The following TXNRD1 variants were observed in gnomAD, a reference collection of about 807,000 sequenced individuals.
TXNRD1 encodes the protein thioredoxin reductase 1, cytoplasmic.
Under a neutral mutation model 80.3 loss-of-function variants are expected in TXNRD1, and 57 were observed. That is an observed-to-expected ratio of 0.71 (90% CI 0.57 to 0.89). TXNRD1 has a LOEUF of 0.89. Among genes scored for constraint, TXNRD1 ranks in the 40% least tolerant of loss-of-function variants. The pLI is 0.00. For missense variants in TXNRD1, 730 were observed against 803.0 expected (o/e 0.91, Z 1.10); for synonymous variants, 291 against 285.2 (o/e 1.02, Z -0.20).
chr12:104,309,398 C>T (rs760729525), intron 4 of TXNRD1, among the ~76,000 whole-genome samples: 3 of 152,086 alleles, frequency 2.0e-5, no homozygotes, highest in Admixed American at 6.5e-5. Context: ...CAGTAAGGAA[C>T]GGATTGTAAA....
At chr12:104,285,427 G>GCTA (rs1436589741) in intron 3 of TXNRD1, among the ~76,000 whole-genome samples, 3 of 152,158 alleles carry the variant, frequency 2.0e-5, no homozygotes, top group African/African-American at 7.2e-5. Context: ...GGGCATCTTT[G>GCTA]CTATAATTTG....
chr12:104,252,257 C>T (rs1466860624), intron 2 of TXNRD1, among the ~76,000 whole-genome samples: 1 of 151,858 alleles, frequency 6.6e-6, no homozygotes, highest in African/African-American at 2.4e-5. Flanking sequence ...ATTTGCGGCC[C>T]TTTCAGATAT....
At chr12:104,270,451 GTCT>G (rs1378079983) in intron 3 of TXNRD1, among the ~76,000 whole-genome samples, 2 of 152,132 alleles carry the variant, frequency 1.3e-5, no homozygotes, top group Admixed American at 1.3e-4. Flanking sequence ...ATTTTCAAAA[GTCT>G]TCTTTTCTGA....
chr12:104,321,420 C>A, intron 10 of TXNRD1, 104 bp downstream of exon 10: 2 of 889,868 alleles, frequency 2.2e-6, no homozygotes, highest in African/African-American at 1.7e-5. Flanking sequence ...TATAAACCAT[C>A]AGGAATGCTG....
chr12:104,267,695 TTCTTTCTC>T (rs879440556), intron 3 of TXNRD1, among the ~76,000 whole-genome samples: 6,395 of 34,544 alleles, frequency 0.19, 426 homozygotes, highest in East Asian at 0.35. Context: ...CTTTCTTTCT[TTCTTTCTC>T]TCTTTCTTTC....
At chr12:104,268,658 A>G (rs1593731055) in intron 3 of TXNRD1, among the ~76,000 whole-genome samples, 1 of 151,852 alleles carries the variant, frequency 6.6e-6, no homozygotes, top group African/African-American at 2.4e-5. Flanking sequence ...AGCTGAGACT[A>G]CAGGCTGCAC....
At chr12:104,299,054 C>T (rs569836802) in intron 4 of TXNRD1, among the ~76,000 whole-genome samples, 2 of 152,220 alleles carry the variant, frequency 1.3e-5, no homozygotes, top group Non-Finnish European at 2.9e-5. Context: ...AGTCAGCTCT[C>T]TGTATTCACC....
intron 14 of TXNRD1, chr12:104,334,007 A>G (rs1646573120): frequency 3.6e-6 from 1 of 281,312 alleles, no homozygotes; most frequent in Non-Finnish European, 6.6e-6. Flanking sequence ...AGGGTGTACT[A>G]TTTTGAGGTA....
intron 3 of TXNRD1, 109 bp from the exon 4 acceptor site, chr12:104,288,822 C>G (rs1450634183): frequency 3.1e-6 from 5 of 1,607,078 alleles, no homozygotes; most frequent in Non-Finnish European, 3.4e-6. Context: ...CAACAGAGGG[C>G]ACGCGGTGCC....
At chr12:104,254,135 G>C (rs184070915) in intron 2 of TXNRD1, among the ~76,000 whole-genome samples, 1 of 152,242 alleles carries the variant, frequency 6.6e-6, no homozygotes, top group Non-Finnish European at 1.5e-5. Context: ...TTTACCTGTG[G>C]TGCCACAGTT....
At chr12:104,325,761 A>C (rs1413550375) in intron 11 of TXNRD1, among the ~76,000 whole-genome samples, 1 of 151,984 alleles carries the variant, frequency 6.6e-6, no homozygotes, top group Non-Finnish European at 1.5e-5. Context: ...AGTCCCAGCT[A>C]TTCGGGACGT....
intron 15 of TXNRD1, among the ~76,000 whole-genome samples, chr12:104,337,347 A>G (rs1463614399): frequency 6.6e-6 from 1 of 151,906 alleles, no homozygotes; most frequent in Non-Finnish European, 1.5e-5. Context: ...CAAGCTCTGC[A>G]CCCCACAGCC....
intron 16 of TXNRD1, among the ~76,000 whole-genome samples, chr12:104,342,192 A>C (rs1335100728): frequency 6.6e-6 from 1 of 152,150 alleles, no homozygotes; most frequent in East Asian, 1.9e-4. Flanking sequence ...CCCCAGATGT[A>C]GGGGACCAGA....
At position 104,331,538 on chromosome 12, in the gene TXNRD1, A is replaced by G. The variant is rs2035947081; in HGVS notation, c.1547A>G (p.Asp516Gly). The G allele has an allele frequency of 2.5e-6, 4 of 1,603,532 alleles. No homozygotes were observed. In the South Asian group the frequency reaches 4.5e-5, roughly 18 times the overall value. ...CTTACCTCCATTTTTAAACAGTGTGACTATGAAAATGTTCCAACCACTGTA... is the reference window on the plus strand; with the variant it reads ...CTTACCTCCATTTTTAAACAGTGTGGCTATGAAAATGTTCCAACCACTGTA... Reference protein sequence around the residue: ...RLYAGSTVKCDYENVPTTVFT... With the variant: ...RLYAGSTVKCGYENVPTTVFT... The change falls in exon 14 of 17, where the codon GAC becomes GGC. Residue 516 changes from aspartate to glycine, a missense_variant. Asp to Gly is a moderately conservative substitution (Grantham distance 94, BLOSUM62 -1). Coordinates refer to ENST00000525566, the MANE Select transcript of TXNRD1 (RefSeq NM_001093771.3).
rs764969816 is a variant in TXNRD1, at chr12:104,321,082, T to C, written c.990-9T>C. 1.4e-5 allele frequency: 22 copies of C among 1,546,006 alleles called. No homozygotes were observed. In the African/African-American group the frequency reaches 2.8e-4, roughly 20 times the overall value. On this transcript the variant is annotated splice_polypyrimidine_tract_variant and intron_variant, in intron 9 of 16. Coordinates refer to ENST00000525566, the MANE Select transcript of TXNRD1 (RefSeq NM_001093771.3). Reference sequence around the variant, plus strand: ...TCTTCTTTCTTCCTTTTTTTTTTTTTTCCCCCAGTGATGATCTTTTCTCCT... The same window carrying C: ...TCTTCTTTCTTCCTTTTTTTTTTTTCTCCCCCAGTGATGATCTTTTCTCCT...
intron 3 of TXNRD1, among the ~76,000 whole-genome samples, chr12:104,268,372 C>T (rs1264599117): frequency 1.3e-5 from 2 of 150,850 alleles, no homozygotes; most frequent in Non-Finnish European, 3.0e-5. Context: ...AAAACCCACC[C>T]ATATTAGCCG....
intron 7 of TXNRD1, among the ~76,000 whole-genome samples, chr12:104,317,601 A>C (rs2035376689): frequency 6.6e-6 from 1 of 152,172 alleles, no homozygotes; most frequent in Non-Finnish European, 1.5e-5. Context: ...ACAGTTTAGG[A>C]GGCCAAGGGG....
chr12:104,221,364 C>A (rs961401275), intron 1 of TXNRD1, among the ~76,000 whole-genome samples: 1 of 152,116 alleles, frequency 6.6e-6, no homozygotes, highest in Non-Finnish European at 1.5e-5. Flanking sequence ...GTTGCCCAGG[C>A]TGGAGTGCAT....
chr12:104,278,118 C>A (rs1055842959), intron 3 of TXNRD1, among the ~76,000 whole-genome samples: 2 of 151,508 alleles, frequency 1.3e-5, no homozygotes, highest in African/African-American at 4.8e-5. Flanking sequence ...ACCTTCTGAT[C>A]CACCCGCCTC....
Sources: allele counts gnomAD v4.1 joint callset (sites outside exome capture counted in the v4.1 genomes callset), GRCh38; gene constraint gnomAD v4.1.1; transcripts MANE v1.5; gene names NCBI Gene and HGNC (gene_info 2026-07-23, HGNC 2026-07-21).